CCSER1: variants seen among roughly 807,000 people sequenced by gnomAD.
The protein encoded by CCSER1 is serine-rich coiled-coil domain-containing protein 1.
In CCSER1, 41 loss-of-function variants were observed where a neutral mutation model predicts 82.0. The ratio of observed to expected loss-of-function variants is 0.50; its 90% CI spans 0.39 to 0.65. The LOEUF (loss-of-function observed/expected upper bound fraction) is 0.65, where lower values mean the gene tolerates loss of function less well. Among genes scored for constraint, CCSER1 ranks in the 30% least tolerant of loss-of-function variants. The pLI is 0.00. For synonymous variants in CCSER1, 414 were observed against 383.9 expected, an observed-to-expected ratio of 1.08 and a Z score of -0.92; for missense variants, 1,119 against 1,064.2, an observed-to-expected ratio of 1.05 and a Z score of -0.72.
intron 10 of CCSER1, among the ~76,000 whole-genome samples, chr4:91,171,881 G>A (rs575882522): frequency 6.6e-6 from 1 of 151,780 alleles, no homozygotes; most frequent in Non-Finnish European, 1.5e-5. Flanking sequence ...TGCTAATATT[G>A]TTTTTTATTA....
intron 1 of CCSER1, among the ~76,000 whole-genome samples, chr4:90,203,584 C>A (rs1440946969): frequency 2.0e-5 from 3 of 152,142 alleles, no homozygotes; most frequent in Non-Finnish European, 4.4e-5. Context: ...TTTTCTTTAT[C>A]CAGTTTATCA....
intron 10 of CCSER1, among the ~76,000 whole-genome samples, chr4:91,505,465 T>C (rs1759437272): frequency 6.6e-6 from 1 of 152,202 alleles, no homozygotes; most frequent in South Asian, 2.1e-4. Context: ...TACCCAGTAA[T>C]GGGATTGCTA....
intron 10 of CCSER1, among the ~76,000 whole-genome samples, chr4:91,151,070 T>C (rs1424276948): frequency 6.6e-6 from 1 of 152,198 alleles, no homozygotes; most frequent in Non-Finnish European, 1.5e-5. Context: ...GTACCTCTGG[T>C]AGAATTTTGC....
chr4:90,724,314 G>C (rs1355161994), intron 7 of CCSER1, among the ~76,000 whole-genome samples: 2 of 151,652 alleles, frequency 1.3e-5, no homozygotes, highest in Non-Finnish European at 2.9e-5. Context: ...AAGTCATAGG[G>C]GAAAAAGGAA....
intron 10 of CCSER1, among the ~76,000 whole-genome samples, chr4:91,383,119 A>T (rs1223353078): frequency 1.3e-5 from 2 of 152,106 alleles, no homozygotes; most frequent in Non-Finnish European, 2.9e-5. Context: ...TCACTGGAAA[A>T]CGAAAAAAAT....
At chr4:90,574,361 C>T (rs972295017) in intron 5 of CCSER1, among the ~76,000 whole-genome samples, 7 of 146,398 alleles carry the variant, frequency 4.8e-5, no homozygotes, top group African/African-American at 1.3e-4. Flanking sequence ...CTCCGCTTCC[C>T]GGGTTCACGC....
At chr4:91,328,541 G>A (rs1198893215) in intron 10 of CCSER1, among the ~76,000 whole-genome samples, 1 of 152,004 alleles carries the variant, frequency 6.6e-6, no homozygotes, top group African/African-American at 2.4e-5. Context: ...AGTTGAGTGG[G>A]GACAGACAGC....
intron 8 of CCSER1, among the ~76,000 whole-genome samples, chr4:90,875,544 C>G (rs1431243828): frequency 6.6e-6 from 1 of 152,092 alleles, no homozygotes; most frequent in Non-Finnish European, 1.5e-5. Flanking sequence ...ACCTGAAGTC[C>G]AAATGCCTTA....
chr4:90,245,787 G>A (rs1721310702), intron 1 of CCSER1, among the ~76,000 whole-genome samples: 1 of 152,112 alleles, frequency 6.6e-6, no homozygotes, highest in Non-Finnish European at 1.5e-5. Flanking sequence ...AAGGACAAGT[G>A]CAGTGATGAT....
chr4:90,342,872 G>T (rs1741658217), intron 3 of CCSER1, among the ~76,000 whole-genome samples: 1 of 151,494 alleles, frequency 6.6e-6, no homozygotes, highest in Non-Finnish European at 1.5e-5. Context: ...CATCCTTTTT[G>T]GCTTTTAGAT....
At chr4:90,248,956 A>G (rs1468298185) in intron 1 of CCSER1, among the ~76,000 whole-genome samples, 2 of 152,004 alleles carry the variant, frequency 1.3e-5, no homozygotes, top group Non-Finnish European at 2.9e-5. Context: ...TTGGCTTCCT[A>G]GAAGTGCTGG....
Position 90,732,967 on chromosome 4 carries a change from C to A in CCSER1, c.2010+8976C>A, listed in dbSNP as rs116527033. 5.7e-3 allele frequency among the ~76,000 whole-genome samples: 871 copies of A among 152,238 alleles called. 11 individuals carry two copies. The highest frequency in any genetic ancestry group is 0.02 in the African/African-American group (832 of 41,550). On this transcript the variant is annotated intron_variant, in intron 7 of 10. Coordinates refer to ENST00000509176, the MANE Select transcript of CCSER1 (RefSeq NM_001145065.2). ...TTGGATTATTTGCAAATCTTGACTG[C>A]TACGAATAGTGCTACAGTAAACATG...
chr4:90,592,204 A>G (rs1355604110), intron 5 of CCSER1, among the ~76,000 whole-genome samples: 2 of 152,124 alleles, frequency 1.3e-5, no homozygotes, highest in African/African-American at 4.8e-5. Flanking sequence ...GTAAGATAAA[A>G]CTATATATAA....
At chr4:91,496,826 GAATATATATTGAATATATATATATTCA>G (rs1468561780) in intron 10 of CCSER1, among the ~76,000 whole-genome samples, 12 of 67,852 alleles carry the variant, frequency 1.8e-4, no homozygotes, top group African/African-American at 5.0e-4. Context: ...AATATATATT[GAATATATATTGAATATATATATATTCA>G]AATATATATT....
At chr4:91,458,297 C>CTTGGTTCCTTTG (rs1756309874) in intron 10 of CCSER1, among the ~76,000 whole-genome samples, 1 of 152,080 alleles carries the variant, frequency 6.6e-6, no homozygotes, top group African/African-American at 2.4e-5. Context: ...AATGTATGTT[C>CTTGGTTCCTTTG]TTGGTTCCTT....
chr4:91,202,738 C>T (rs6532283), intron 10 of CCSER1, among the ~76,000 whole-genome samples: 96,995 of 150,404 alleles, frequency 0.64, 31,763 homozygotes, highest in East Asian at 0.93. Flanking sequence ...AACACACACA[C>T]ATATATGCAC....
intron 10 of CCSER1, among the ~76,000 whole-genome samples, chr4:91,206,293 G>A (rs1349331829): frequency 6.6e-6 from 1 of 151,866 alleles, no homozygotes; most frequent in Non-Finnish European, 1.5e-5. Context: ...GGATTCAGTA[G>A]GCATTCTTGT....
chr4:90,571,202 C>CATTT (rs1553947074), intron 5 of CCSER1, among the ~76,000 whole-genome samples: 2 of 152,148 alleles, frequency 1.3e-5, no homozygotes, highest in Admixed American at 1.3e-4. Flanking sequence ...ATAGAACAAC[C>CATTT]ATTCAACCCA....
At chr4:91,403,910 T>C (rs182530423) in intron 10 of CCSER1, among the ~76,000 whole-genome samples, 15 of 152,316 alleles carry the variant, frequency 9.8e-5, no homozygotes, top group Admixed American at 5.9e-4. Context: ...GCTGGCCTCA[T>C]AAAATGAGTT....
Sources: gnomAD v4.1 joint callset for allele counts (sites outside exome capture counted in the v4.1 genomes callset) on GRCh38, gnomAD v4.1.1 for gene constraint, MANE v1.5 for transcripts, NCBI Gene and HGNC (gene_info 2026-07-23, HGNC 2026-07-21) for gene names.